The following WT1 variants were observed in gnomAD, a reference collection of about 807,000 sequenced individuals.
The protein encoded by WT1 is Wilms tumor protein.
In WT1, 8 loss-of-function variants were observed where a neutral mutation model predicts 60.8. The ratio of observed to expected loss-of-function variants is 0.13; its 90% CI spans 0.08 to 0.24. WT1 has a LOEUF of 0.24. Ranked by LOEUF, WT1 falls within the 10% of genes least tolerant of loss-of-function variation. WT1 has a pLI of 1.00. For synonymous variants in WT1, 312 were observed against 297.1 expected (o/e 1.05, Z -0.52); for missense variants, 568 against 711.8 (o/e 0.80, Z 2.30).
intron 3 of WT1, among the ~76,000 whole-genome samples, chr11:32,420,755 C>T (rs1212091523): frequency 6.6e-6 from 1 of 152,138 alleles, no homozygotes; most frequent in Non-Finnish European, 1.5e-5. Context: ...AGCATCATGA[C>T]CTACTCAGTC....
chr11:32,394,323 C>T (rs1407335062), intron 7 of WT1, among the ~76,000 whole-genome samples: 1 of 152,170 alleles, frequency 6.6e-6, no homozygotes, highest in Non-Finnish European at 1.5e-5. Flanking sequence ...ACTTTCTCTG[C>T]CCAAACTACC....
chr11:32,414,083 G>A lies in WT1; in HGVS notation c.1016+2407C>T, dbSNP rs79888793. On this transcript the variant is annotated intron_variant, in intron 5 of 9. Coordinates refer to ENST00000452863, the MANE Select transcript of WT1 (RefSeq NM_024426.6). ...TAAATGTCCAGTTCACAAAATGGAA[G>A]CGGAAATTCGTGGATTTACAGTATG... Among the ~76,000 whole-genome samples the A allele has an allele frequency of 2.5e-3, 386 of 152,308 alleles. 2 individuals carry two copies. Among genetic ancestry groups the A allele is most frequent in the African/African-American group, 8.9e-3 (368 of 41,564 alleles).
Position 32,435,392 on chromosome 11 carries a change from G to T in WT1, c.-32C>A. ...GGCGAGGAGACGGCGGGGCCCGGGC[G>T]CCTGGGCTGCCGTCCCGGCTCTGGG... is the stretch of plus-strand genomic sequence containing the variant. On this transcript the variant is annotated 5_prime_UTR_variant, in exon 1 of 10. Transcript: ENST00000452863. The T allele has an allele frequency of 1.3e-6, 2 of 1,513,586 alleles. No homozygotes were observed. Among genetic ancestry groups the T allele is most frequent in the Admixed American group, 2.0e-5 (1 of 50,226 alleles). The allele number at this position is 1,513,586 out of a possible 1,614,324, so 93.8% of individuals were successfully genotyped here. A position where few individuals can be genotyped will look rare whatever the true frequency, so the allele number is the denominator to read the frequency against.
intron 1 of WT1, among the ~76,000 whole-genome samples, chr11:32,434,060 T>C (rs1853399395): frequency 6.6e-6 from 1 of 152,008 alleles, no homozygotes; most frequent in South Asian, 2.1e-4. Flanking sequence ...GATCCACTTC[T>C]GTATTACCAT....
chr11:32,390,963 ATT>A (rs149669247), intron 9 of WT1, among the ~76,000 whole-genome samples: 1 of 145,454 alleles, frequency 6.9e-6, no homozygotes, highest in African/African-American at 2.5e-5. Flanking sequence ...TGCCTACCTC[ATT>A]TTTTTTTGTT....
chr11:32,410,681 A>G (rs1011275218), intron 5 of WT1, among the ~76,000 whole-genome samples: 1 of 152,228 alleles, frequency 6.6e-6, no homozygotes, highest in African/African-American at 2.4e-5. Flanking sequence ...TGTGACTTTT[A>G]TAATCAAGGA....
intron 3 of WT1, among the ~76,000 whole-genome samples, chr11:32,425,899 A>C (rs1271914246): frequency 1.3e-5 from 2 of 152,220 alleles, no homozygotes; most frequent in Non-Finnish European, 2.9e-5. Flanking sequence ...GGATTAGAAA[A>C]CGTGAAAATT....
rs139544325 is a variant in WT1 at position 32,414,192 on chromosome 11, C to G, written c.1016+2298G>C. On this transcript the variant is annotated intron_variant, in intron 5 of 9. Transcript: ENST00000452863. Reference sequence around the variant, plus strand: ...AACAGTTGTTCTTTTGTGGAACTATCTGTTGGGCCATCTAGCCCTTTTTAT... The same window carrying G: ...AACAGTTGTTCTTTTGTGGAACTATGTGTTGGGCCATCTAGCCCTTTTTAT... Among the ~76,000 whole-genome samples, 140 of 152,346 alleles carry G rather than the reference C, an allele frequency of 9.2e-4. 1 individual carries two copies. In the East Asian group the frequency reaches 0.026, roughly 29 times the overall value.
intron 9 of WT1, 47 bp downstream of exon 9, chr11:32,391,925 A>G: frequency 1.3e-6 from 2 of 1,568,418 alleles, no homozygotes; most frequent in Non-Finnish European, 1.8e-6. Flanking sequence ...ATTCCACAAT[A>G]GTTTAAAAAA....
At chr11:32,399,829 G>T (rs1436572993) in intron 6 of WT1, 119 bp downstream of exon 6, 3 of 1,072,818 alleles carry the variant, frequency 2.8e-6, no homozygotes, top group Non-Finnish European at 2.8e-6. Context: ...TGTTAAAGGA[G>T]CCTGCAGTGA....
At chr11:32,414,327 C>T (rs1590369330) in intron 5 of WT1, among the ~76,000 whole-genome samples, 1 of 152,294 alleles carries the variant, frequency 6.6e-6, no homozygotes, top group Non-Finnish European at 1.5e-5. Flanking sequence ...GGCTGGAATG[C>T]AGTGGCCTGA....
At chr11:32,408,552 GAA>G (rs1852398045) in intron 5 of WT1, among the ~76,000 whole-genome samples, 1 of 112,412 alleles carries the variant, frequency 8.9e-6, no homozygotes, top group South Asian at 2.9e-4. Flanking sequence ...AAGAAAGAAA[GAA>G]AAAAGAAAAG....
At chr11:32,411,767 G>A (rs922214795) in intron 5 of WT1, among the ~76,000 whole-genome samples, 4 of 152,102 alleles carry the variant, frequency 2.6e-5, no homozygotes, top group African/African-American at 9.7e-5. Context: ...TAAGTGAGAG[G>A]GACACAGAGC....
intron 3 of WT1, among the ~76,000 whole-genome samples, chr11:32,425,991 A>G (rs957519990): frequency 2.6e-5 from 4 of 152,232 alleles, no homozygotes; most frequent in African/African-American, 9.6e-5. Flanking sequence ...GAGAATTGCT[A>G]TTAAACCAGT....
chr11:32,413,618 A>C (rs1385319737), intron 5 of WT1, among the ~76,000 whole-genome samples: 3 of 152,364 alleles, frequency 2.0e-5, no homozygotes, highest in African/African-American at 7.2e-5. Flanking sequence ...AGTGGGTTGT[A>C]AAATCAATCT....
chr11:32,413,289 TCAAA>T (rs1368386319), intron 5 of WT1, among the ~76,000 whole-genome samples: 3 of 152,244 alleles, frequency 2.0e-5, no homozygotes, highest in Non-Finnish European at 2.9e-5. Context: ...AACATTGATT[TCAAA>T]CAGTGTCAAG....
chr11:32,413,599 T>C (rs1253306204), intron 5 of WT1, among the ~76,000 whole-genome samples: 1 of 152,224 alleles, frequency 6.6e-6, no homozygotes. Context: ...CTGTGGGTCA[T>C]GACACATCAG....
intron 3 of WT1, among the ~76,000 whole-genome samples, chr11:32,427,565 T>C (rs1853097049): frequency 6.6e-6 from 1 of 152,184 alleles, no homozygotes; most frequent in African/African-American, 2.4e-5. Flanking sequence ...GGTACGCGCC[T>C]TCGAGGTAGT....
chr11:32,430,455 G>GGAGAGACAGACACA, intron 1 of WT1: 1 of 894,588 alleles, frequency 1.1e-6, no homozygotes, highest in Non-Finnish European at 1.6e-6. Context: ...AGAGAGGGAG[G>GGAGAGACAGACACA]GAGAGAGAGA....
Sources: gnomAD v4.1 joint callset for allele counts (sites outside exome capture counted in the v4.1 genomes callset) on GRCh38, gnomAD v4.1.1 for gene constraint, MANE v1.5 for transcripts, NCBI Gene and HGNC (gene_info 2026-07-23, HGNC 2026-07-21) for gene names.